CCNG1: variants seen among roughly 807,000 people sequenced by gnomAD.
CCNG1 encodes cyclin G1.
A neutral mutation model predicts 30.0 loss-of-function variants in CCNG1; 13 were observed. The ratio of observed to expected loss-of-function variants is 0.43; its 90% CI spans 0.28 to 0.69. CCNG1 has a LOEUF of 0.69. Ranked by LOEUF, CCNG1 falls within the 30% of genes least tolerant of loss-of-function variation. The pLI is 0.16. For synonymous variants in CCNG1, 110 were observed against 121.5 expected, an observed-to-expected ratio of 0.91 and a Z score of 0.62; for missense variants, 285 against 331.4, an observed-to-expected ratio of 0.86 and a Z score of 1.09.
intron 1 of CCNG1, 136 bp from the exon 2 acceptor site, chr5:163,439,121 G>C: frequency 1.4e-6 from 1 of 706,284 alleles, no homozygotes; most frequent in African/African-American, 1.8e-5. Context: ...ATGGCACTTT[G>C]CAATGACTTA....
the CCNG1 span, chr5:163,452,044 A>G: frequency 6.6e-6 from 1 of 151,468 alleles, no homozygotes; most frequent in Non-Finnish European, 1.5e-5. Context: ...CAAGAGTGAA[A>G]CTCCACCTTA....
intron 2 of CCNG1, among the ~76,000 whole-genome samples, chr5:163,439,895 T>C (rs1757718127): frequency 1.3e-5 from 2 of 152,146 alleles, no homozygotes; most frequent in Non-Finnish European, 2.9e-5. Flanking sequence ...AGAATTAAGA[T>C]ATATTTGTTA....
chr5:163,448,537 A>G, downstream of CCNG1: 1 of 152,320 alleles, frequency 6.6e-6, no homozygotes, highest in Admixed American at 6.5e-5. Context: ...TTAAAACCTT[A>G]CTAGCAAATT....
At chr5:163,446,641 A>G (rs1053145108), downstream of CCNG1, 1 of 152,254 alleles carries the variant, frequency 6.6e-6, no homozygotes, top group Non-Finnish European at 1.5e-5. Flanking sequence ...AATAACTTTG[A>G]TAAAATGTTA....
downstream of CCNG1, chr5:163,449,300 C>T (rs201785601): frequency 2.6e-5 from 3 of 117,598 alleles, no homozygotes; most frequent in African/African-American, 7.8e-5. Flanking sequence ...TTAGCAAGGT[C>T]ACAGGATACA....
At chr5:163,452,145 A>T in the CCNG1 span, 1 of 152,110 alleles carries the variant, frequency 6.6e-6, no homozygotes, top group African/African-American at 2.4e-5. Context: ...AAAAAATGAA[A>T]ATGAAGCCCA....
At chr5:163,443,622 G>A in intron 6 of CCNG1, 52 bp from the exon 7 acceptor site, 2 of 932,914 alleles carry the variant, frequency 2.1e-6, no homozygotes, top group South Asian at 1.4e-5. Flanking sequence ...TAGTATTTAG[G>A]CAGACTGGCT....
intron 5 of CCNG1, 39 bp from the exon 6 acceptor site, chr5:163,442,335 A>C (rs1757857983): frequency 6.8e-7 from 1 of 1,468,446 alleles, no homozygotes; most frequent in Non-Finnish European, 9.3e-7. Flanking sequence ...GGTGGGACTT[A>C]CTTGGAGTAA....
the CCNG1 span, among the ~76,000 whole-genome samples, chr5:163,454,278 T>C: frequency 6.6e-6 from 1 of 152,172 alleles, no homozygotes; most frequent in Non-Finnish European, 1.5e-5. Flanking sequence ...GGCAAGTGTA[T>C]GGGGAAACAT....
At chr5:163,457,263 C>T in the CCNG1 span, among the ~76,000 whole-genome samples, 1 of 151,928 alleles carries the variant, frequency 6.6e-6, no homozygotes, top group Admixed American at 6.6e-5. Flanking sequence ...TCCCGACTAG[C>T]TGGGAATACA....
rs550647868 is a variant in CCNG1, at chr5:163,442,545, A to G, written c.868A>G (p.Ile290Val). Residue 290 changes from isoleucine (I) to valine (V), a missense_variant, in exon 6 of 7, where the codon ATT (isoleucine) becomes GTT (valine). Coordinates refer to ENST00000340828, the MANE Select transcript of CCNG1 (RefSeq NM_004060.4). ...SYYRITHLPT[I>V]PEMVP ...CTACAGAATAACTCACCTTCCAACA[A>G]TTCCTGAAATGGTCCCTTAACTGGT... The G allele has an allele frequency of 2.5e-6, 4 of 1,609,326 alleles. No homozygotes were observed. The South Asian group carries it at 3.3e-5, about 13-fold the overall frequency.
At chr5:163,447,377 G>A (rs181938230), downstream of CCNG1, 7 of 151,512 alleles carry the variant, frequency 4.6e-5, no homozygotes, top group Admixed American at 2.6e-4. Flanking sequence ...TCTGAGCCCA[G>A]GAGTTTGAGG....
intron 3 of CCNG1, 32 bp downstream of exon 3, chr5:163,441,363 T>C: frequency 6.3e-7 from 1 of 1,596,578 alleles, no homozygotes; most frequent in Non-Finnish European, 8.5e-7. Flanking sequence ...CAAGAGACAT[T>C]TGGAAATCAG....
chr5:163,437,974 C>T (rs1314664077), intron 1 of CCNG1, among the ~76,000 whole-genome samples, 170 bp downstream of exon 1: 2 of 152,284 alleles, frequency 1.3e-5, no homozygotes, highest in East Asian at 3.9e-4. Context: ...CCGGATCCGG[C>T]CTCCTGAGGT....
Position 163,439,626 on chromosome 5 carries a change from G to A in CCNG1, c.264+106G>A, listed in dbSNP as rs2069344. The A allele has an allele frequency of 2.3e-3, 2,144 of 916,136 alleles. 37 individuals carry two copies. The African/African-American group carries it at 0.033, about 14-fold the overall frequency. The allele number at this position is 916,136 out of a possible 1,614,324, so 56.8% of individuals were successfully genotyped here. On this transcript the variant is annotated intron_variant, in intron 2 of 6. Coordinates refer to ENST00000340828, the MANE Select transcript of CCNG1 (RefSeq NM_004060.4). ...AACTTGACCTTTTTTTTTTCAGCAC[G>A]TAGCCAAAACATTAATTTTGTCTAC...
At chr5:163,441,848 T>C (rs755499407) in intron 3 of CCNG1, 38 bp from the exon 4 acceptor site, 2 of 1,238,440 alleles carry the variant, frequency 1.6e-6, no homozygotes. Context: ...CTAGATGTAG[T>C]ATTACCTAAT....
chr5:163,457,054 GAAC>G, the CCNG1 span: 8 of 1,603,652 alleles, frequency 5.0e-6, no homozygotes, highest in African/African-American at 1.4e-5. Flanking sequence ...GTCTTTGTAA[GAAC>G]AATACGAACC....
At position 163,442,168 on chromosome 5, in the gene CCNG1, C is replaced by A; in HGVS notation, c.696+25C>A. 2.1e-6 allele frequency: 3 copies of A among 1,447,518 alleles called. No individual in the cohort carries two copies. In the South Asian group the frequency reaches 3.6e-5, roughly 17 times the overall value. The allele number at this position is 1,447,518 out of a possible 1,614,324, so 89.7% of individuals were successfully genotyped here. A position where few individuals can be genotyped will look rare whatever the true frequency, so the allele number is the denominator to read the frequency against. ...GGTATGTGAAGGACATAGCCTAAAT[C>A]CTATTAACAGCTGTAAAAGAAACTA... On this transcript the variant is annotated intron_variant, in intron 5 of 6. Coordinates refer to ENST00000340828, the MANE Select transcript of CCNG1 (RefSeq NM_004060.4).
rs769101532 is a variant in CCNG1, at chr5:163,442,394, C to A, written c.717C>A (p.Thr239=). ...KHSKINGRDL[T]FWQELVSKCL... ...TACAGATAAATGGCAGAGATCTGACCTTCTGGCAAGAGCTTGTATCCAAAT... is the reference window on the plus strand; with the variant it reads ...TACAGATAAATGGCAGAGATCTGACATTCTGGCAAGAGCTTGTATCCAAAT... Residue 239 remains threonine (T), a synonymous_variant, in exon 6 of 7, where the codon ACC becomes ACA. Coordinates refer to ENST00000340828, the MANE Select transcript of CCNG1 (RefSeq NM_004060.4). The A allele has an allele frequency of 6.2e-7, 1 of 1,612,182 alleles. No individual in the cohort carries two copies. The highest frequency in any genetic ancestry group is 8.5e-7 in the Non-Finnish European group (1 of 1,179,264).
Sources: gnomAD v4.1 joint callset for allele counts (sites outside exome capture counted in the v4.1 genomes callset) on GRCh38, gnomAD v4.1.1 for gene constraint, MANE v1.5 for transcripts, NCBI Gene and HGNC (gene_info 2026-07-23, HGNC 2026-07-21) for gene names.